EXPH5: variants seen among roughly 807,000 people sequenced by gnomAD.
EXPH5 encodes exophilin 5.
Under a neutral mutation model 41.1 loss-of-function variants are expected in EXPH5, and 42 were observed. The observed-to-expected ratio is 1.02, with a 90% CI of 0.80 to 1.32. The LOEUF is 1.32. Ranked by LOEUF, EXPH5 falls within the 40% of genes most tolerant of loss-of-function variation. The probability of loss-of-function intolerance (pLI) is 0.00; values close to 1 mark genes in which losing one functional copy is unlikely to be tolerated. For missense variants in EXPH5, 2,298 were observed against 2,314.5 expected (o/e 0.99, Z 0.15); for synonymous variants, 798 against 833.5 (o/e 0.96, Z 0.73).
intron 1 of EXPH5, among the ~76,000 whole-genome samples, chr11:108,588,981 C>T (rs1040768304): frequency 1.2e-4 from 18 of 152,092 alleles, no homozygotes; most frequent in Non-Finnish European, 7.4e-5. Context: ...CTCAGAGATC[C>T]GTGGTGTGTT....
rs574802889 is a variant in EXPH5, at chr11:108,506,060, A to G, written c.*3477T>C. 472 of 152,326 alleles carry G rather than the reference A, an allele frequency of 3.1e-3. 6 individuals are homozygous for G. The highest frequency in any genetic ancestry group is 0.011 in the African/African-American group (458 of 41,578). 9.4% of individuals were successfully genotyped at this position (152,326 alleles called of 1,614,324 possible). A position where few individuals can be genotyped will look rare whatever the true frequency, so the allele number is the denominator to read the frequency against. On this transcript the variant is annotated 3_prime_UTR_variant, in exon 6 of 6. Transcript: ENST00000265843. ...ATAAAATTTATGGTTATAGAAATCTAGTATCTAAACAAGTTTATAATTTAT... is the reference window on the plus strand; with the variant it reads ...ATAAAATTTATGGTTATAGAAATCTGGTATCTAAACAAGTTTATAATTTAT...
chr11:108,561,783 G>A (rs1355857190), intron 1 of EXPH5, among the ~76,000 whole-genome samples: 1 of 152,184 alleles, frequency 6.6e-6, no homozygotes, highest in Non-Finnish European at 1.5e-5. Context: ...ATAGCGAGAA[G>A]GTATTGAGCA....
chr11:108,606,270 C>G, the EXPH5 span, among the ~76,000 whole-genome samples: 1 of 152,178 alleles, frequency 6.6e-6, no homozygotes, highest in Non-Finnish European at 1.5e-5. Flanking sequence ...GTTAAATCCC[C>G]CACACCAGTC....
intron 3 of EXPH5, among the ~76,000 whole-genome samples, chr11:108,530,870 T>C (rs2093833270): frequency 1.3e-5 from 2 of 152,192 alleles, no homozygotes; most frequent in Admixed American, 6.5e-5. Context: ...TCCTGTGGAC[T>C]TGGGTAGAAG....
At chr11:108,533,485 G>C (rs1303964497) in intron 3 of EXPH5, among the ~76,000 whole-genome samples, 2 of 152,188 alleles carry the variant, frequency 1.3e-5, no homozygotes, top group African/African-American at 4.8e-5. Flanking sequence ...TTACAGGCGT[G>C]AGCCACCTCG....
chr11:108,600,839 A>G, the EXPH5 span, among the ~76,000 whole-genome samples: 2 of 152,236 alleles, frequency 1.3e-5, no homozygotes, highest in Non-Finnish European at 2.9e-5. Flanking sequence ...TTGTTGTTTC[A>G]CATGGTCAGG....
chr11:108,508,003 C>T lies in EXPH5; in HGVS notation c.*1534G>A, dbSNP rs1231010651. ...TGAAACTCCAACTCTACTAAAAATA[C>T]CAAAAAAAAAAAAAAAAAAAAAAAA... On this transcript the variant is annotated 3_prime_UTR_variant, in exon 6 of 6. Coordinates refer to ENST00000265843, the MANE Select transcript of EXPH5 (RefSeq NM_015065.3). 10 of 44,216 alleles carry T rather than the reference C, an allele frequency of 2.3e-4. No individual in the cohort carries two copies. The highest frequency in any genetic ancestry group is 7.2e-4 in the African/African-American group (8 of 11,154). 2.7% of individuals were successfully genotyped at this position (44,216 alleles called of 1,614,324 possible). A position where few individuals can be genotyped will look rare whatever the true frequency, so the allele number is the denominator to read the frequency against.
At chr11:108,547,965 T>C (rs2136048838) in intron 1 of EXPH5, among the ~76,000 whole-genome samples, 1 of 152,158 alleles carries the variant, frequency 6.6e-6, no homozygotes, top group East Asian at 1.9e-4. Context: ...CAAAATTAGC[T>C]GGGCTTGGTG....
chr11:108,513,302 G>T lies in EXPH5; in HGVS notation c.2205C>A (p.Ile735=). 1.9e-6 allele frequency: 3 copies of T among 1,613,004 alleles called. No individual in the cohort carries two copies. The highest frequency in any genetic ancestry group is 2.5e-6 in the Non-Finnish European group (3 of 1,179,630). ...TTTGAAAATCAGGTAAAGAGTTTGA[G>T]ATCCCTGTCTGTGAAACAGGTTGGG... The part of the protein sequence containing the change: ...EIPQPVSQTG[I]SNSLPDFQNP... Residue 735 remains isoleucine (I), a synonymous_variant, in exon 6 of 6, where the codon ATC becomes ATA. Coordinates refer to ENST00000265843, the MANE Select transcript of EXPH5 (RefSeq NM_015065.3).
intron 1 of EXPH5, among the ~76,000 whole-genome samples, chr11:108,555,458 G>C (rs894612323): frequency 2.0e-5 from 3 of 152,122 alleles, no homozygotes; most frequent in African/African-American, 7.2e-5. Flanking sequence ...GTGTACAAAA[G>C]AGACAAAGAT....
rs570592184 is a variant in EXPH5, at chr11:108,571,377, T to C, written c.119+22041A>G. ...TTGCTGAGAATAGGGGAGAAACTGA[T>C]GTCCTTAAGGAGGAAGAGGCACTGG... On this transcript the variant is annotated intron_variant, in intron 1 of 5. Coordinates refer to ENST00000265843, the MANE Select transcript of EXPH5 (RefSeq NM_015065.3). Among the ~76,000 whole-genome samples, 12 of 152,270 alleles carry C rather than the reference T, an allele frequency of 7.9e-5. 1 individual carries two copies. In the East Asian group the frequency reaches 2.3e-3, roughly 29 times the overall value.
At chr11:108,583,792 A>G (rs1287905133) in intron 1 of EXPH5, among the ~76,000 whole-genome samples, 1 of 152,222 alleles carries the variant, frequency 6.6e-6, no homozygotes, top group African/African-American at 2.4e-5. Context: ...CCTATTCAAC[A>G]TCATGCTTGA....
intron 4 of EXPH5, among the ~76,000 whole-genome samples, chr11:108,524,470 C>T (rs569912132): frequency 1.3e-5 from 2 of 152,180 alleles, no homozygotes; most frequent in Admixed American, 6.5e-5. Flanking sequence ...GAAAAGTATC[C>T]CACAGGATGA....
At chr11:108,594,550 G>T (rs564786332), upstream of EXPH5, among the ~76,000 whole-genome samples, 1 of 152,102 alleles carries the variant, frequency 6.6e-6, no homozygotes, top group East Asian at 1.9e-4. Flanking sequence ...ATGCAATGAA[G>T]AATAATAGAA....
intron 1 of EXPH5, among the ~76,000 whole-genome samples, chr11:108,546,592 CA>C (rs2093939275): frequency 6.6e-6 from 1 of 152,098 alleles, no homozygotes. Flanking sequence ...TTTAAAAACC[CA>C]AAAGTTAGCA....
At chr11:108,597,301 G>T (rs2094140182), upstream of EXPH5, among the ~76,000 whole-genome samples, 1 of 152,158 alleles carries the variant, frequency 6.6e-6, no homozygotes, top group South Asian at 2.1e-4. Context: ...GGGTTCAAAT[G>T]ATTCTCCTTC....
intron 1 of EXPH5, among the ~76,000 whole-genome samples, chr11:108,551,097 C>T (rs1676864747): frequency 6.6e-6 from 1 of 152,186 alleles, no homozygotes; most frequent in South Asian, 2.1e-4. Context: ...TATTGCCAAT[C>T]CTCACCCTAA....
chr11:108,592,837 T>A (rs752044860), intron 1 of EXPH5, among the ~76,000 whole-genome samples: 3 of 152,170 alleles, frequency 2.0e-5, no homozygotes, highest in Non-Finnish European at 4.4e-5. Context: ...ATTTGACAAA[T>A]TCCTCGAGCT....
chr11:108,526,108 A>C (rs980908151), intron 4 of EXPH5, among the ~76,000 whole-genome samples: 4 of 151,382 alleles, frequency 2.6e-5, no homozygotes, highest in African/African-American at 4.9e-5. Flanking sequence ...TTTTTTGTAG[A>C]GACAGGGTCT....
Sources: gnomAD v4.1 joint callset for allele counts (sites outside exome capture counted in the v4.1 genomes callset) on GRCh38, gnomAD v4.1.1 for gene constraint, MANE v1.5 for transcripts, NCBI Gene and HGNC (gene_info 2026-07-23, HGNC 2026-07-21) for gene names.